Variants in ENTR1 observed in about 807,000 individuals in gnomAD.
ENTR1 encodes the protein endosome associated trafficking regulator 1, also known as endosome-associated-trafficking regulator 1.
ENTR1 carries 47 observed loss-of-function variants against 47.9 expected under a neutral mutation model. The ratio of observed to expected loss-of-function variants is 0.98; its 90% CI spans 0.78 to 1.25. The LOEUF is 1.25. Among genes scored for constraint, ENTR1 ranks in the 50% most tolerant of loss-of-function variants. ENTR1 has a pLI of 0.00. For synonymous variants in ENTR1, 290 were observed against 245.8 expected, an observed-to-expected ratio of 1.18 and a Z score of -1.68; for missense variants, 668 against 570.5, an observed-to-expected ratio of 1.17 and a Z score of -1.74.
At position 136,410,427 on chromosome 9, in the gene ENTR1, C is replaced by G. The variant is rs1384196366; in HGVS notation, c.-30G>C. ...GCCGGCCCGGCGGGGCACGACCTGC[C>G]TAGCCCGGCAGCGGCGGCTCCATGG... On this transcript the variant is annotated 5_prime_UTR_variant, in exon 1 of 10. An upstream open reading frame in the 5' UTR loses its in-frame stop. Transcript: ENST00000357365. The G allele has an allele frequency of 8.1e-7, 1 of 1,229,264 alleles. No individual in the cohort carries two copies. The highest frequency in any genetic ancestry group is 1.0e-6 in the Non-Finnish European group (1 of 984,880). The allele number at this position is 1,229,264 out of a possible 1,614,324, so 76.1% of individuals were successfully genotyped here. A position where few individuals can be genotyped will look rare whatever the true frequency, so the allele number is the denominator to read the frequency against.
chr9:136,405,711 G>A (rs1026325622), intron 6 of ENTR1, among the ~76,000 whole-genome samples, 194 bp downstream of exon 6: 20 of 152,184 alleles, frequency 1.3e-4, no homozygotes, highest in African/African-American at 4.6e-4. Context: ...CACTGCACCC[G>A]AGCCTGGGTG....
Position 136,407,311 on chromosome 9 carries a change from G to A in ENTR1, c.653C>T (p.Pro218Leu), listed in dbSNP as rs1052773037. The A allele has an allele frequency of 6.2e-6, 10 of 1,611,468 alleles. No homozygotes were observed. Among genetic ancestry groups the A allele is most frequent in the South Asian group, 2.2e-5 (2 of 90,886 alleles). Residue 218 changes from proline (P) to leucine (L), a missense_variant, in exon 5 of 10, where the codon CCG becomes CTG. Physicochemically the swap from Pro to Leu is moderately conservative, Grantham distance 98. Coordinates refer to ENST00000357365, the MANE Select transcript of ENTR1 (RefSeq NM_001039707.2). The part of the protein sequence containing the change: ...CSTYLSFFST[P>L]SELAGPESLP... The stretch of plus-strand genomic sequence containing the variant: ...AGACTCAGGCCCTGCCAGCTCCGAC[G>A]GGGTGGAGAAAAAGGAAAGGTATGT...
chr9:136,409,606 C>T (rs778430832), intron 2 of ENTR1, among the ~76,000 whole-genome samples: 5 of 152,136 alleles, frequency 3.3e-5, no homozygotes, highest in Non-Finnish European at 4.4e-5. Context: ...GAAGCCCAGC[C>T]GGGGCAAGCG....
intron 8 of ENTR1, 71 bp downstream of exon 8, chr9:136,404,560 T>G: frequency 6.5e-7 from 1 of 1,529,156 alleles, no homozygotes; most frequent in Non-Finnish European, 9.0e-7. Flanking sequence ...GTCTTTCGCC[T>G]CTTTCTTACT....
At position 136,407,174 on chromosome 9, in the gene ENTR1, G is replaced by T. The variant is rs892648085; in HGVS notation, c.790C>A (p.Leu264Met). ...VHGESLGDRHLRTLQISYDAL... is the reference protein window; with the variant it reads ...VHGESLGDRHMRTLQISYDAL... ...TCGTAACTTATCTGCAGCGTCCGCA[G>T]GTGCCTGTCTCCCAGAGACTCTCCA... Residue 264 changes from leucine (L) to methionine (M), a missense_variant, in exon 5 of 10, where the codon CTG becomes ATG. By Grantham distance (15) the Leu-to-Met change is conservative (BLOSUM62 2). Coordinates refer to ENST00000357365, the MANE Select transcript of ENTR1 (RefSeq NM_001039707.2). 6.2e-7 allele frequency: 1 copy of T among 1,607,238 alleles called. No individual in the cohort carries two copies. The highest frequency in any genetic ancestry group is 1.3e-5 in the African/African-American group (1 of 74,924).
chr9:136,405,809 T>C (rs185350816), intron 6 of ENTR1, 96 bp downstream of exon 6: 2 of 710,678 alleles, frequency 2.8e-6, no homozygotes, highest in Admixed American at 5.6e-5. Flanking sequence ...AAAACCCAGA[T>C]CTGGTTTGAC....
intron 2 of ENTR1, among the ~76,000 whole-genome samples, chr9:136,409,368 A>T (rs577830873): frequency 5.8e-4 from 88 of 152,260 alleles, no homozygotes; most frequent in Non-Finnish European, 1.2e-3. Flanking sequence ...TTTTTTGTAG[A>T]GACGGGTTTT....
At chr9:136,406,338 G>A (rs964286511) in intron 5 of ENTR1, among the ~76,000 whole-genome samples, 2 of 151,686 alleles carry the variant, frequency 1.3e-5, no homozygotes, top group African/African-American at 2.4e-5. Flanking sequence ...CAGTGGTGGC[G>A]GGCACCTGTA....
intron 9 of ENTR1, 107 bp from the exon 10 acceptor site, chr9:136,402,994 T>C: frequency 2.8e-6 from 1 of 359,024 alleles, no homozygotes. Flanking sequence ...AGGGAGGGGT[T>C]CCAAGGGGTA....
At chr9:136,409,578 G>A (rs990474160) in intron 2 of ENTR1, among the ~76,000 whole-genome samples, 1 of 152,142 alleles carries the variant, frequency 6.6e-6, no homozygotes. Context: ...GTCTGAAAGC[G>A]GCTCCTCAGC....
intron 5 of ENTR1, among the ~76,000 whole-genome samples, chr9:136,406,451 AGAGT>A (rs1834767423): frequency 6.6e-6 from 1 of 151,630 alleles, no homozygotes; most frequent in Admixed American, 6.6e-5. Flanking sequence ...CATGAGCAAC[AGAGT>A]GAGACACTGT....
intron 2 of ENTR1, 76 bp downstream of exon 2, chr9:136,410,014 C>T: frequency 1.3e-6 from 2 of 1,553,642 alleles, no homozygotes; most frequent in South Asian, 1.1e-5. Flanking sequence ...AATGGACGAG[C>T]TCGTGCTGCA....
Position 136,402,660 on chromosome 9 carries a change from G to A in ENTR1, c.*128C>T. ...AGAACTGGCTGAGGGCACGACACTG[G>A]ACTCTTGCGATCAACACTTTACTCT... On this transcript the variant is annotated 3_prime_UTR_variant, in exon 10 of 10. Transcript: ENST00000357365. 1.5e-6 allele frequency: 1 copy of A among 658,876 alleles called. No homozygotes were observed. Among genetic ancestry groups the A allele is most frequent in the Non-Finnish European group, 2.7e-6 (1 of 376,858 alleles). The allele number at this position is 658,876 out of a possible 1,614,324, so 40.8% of individuals were successfully genotyped here. A position where few individuals can be genotyped will look rare whatever the true frequency, so the allele number is the denominator to read the frequency against.
intron 2 of ENTR1, among the ~76,000 whole-genome samples, chr9:136,409,334 C>G (rs1005409701): frequency 3.9e-5 from 6 of 152,174 alleles, no homozygotes; most frequent in African/African-American, 1.2e-4. Flanking sequence ...GCACCTGCCA[C>G]CACGCCCGGC....
At position 136,405,181 on chromosome 9, in the gene ENTR1, C is replaced by T. The variant is rs199792798; in HGVS notation, c.915G>A (p.Lys305=). ...CCTCCTTGATCATTTTTGCTTCTAACTTCCGCTCAAGCGTCCTCACCCTTG... is the reference window on the plus strand; with the variant it reads ...CCTCCTTGATCATTTTTGCTTCTAATTTCCGCTCAAGCGTCCTCACCCTTG... The part of the protein sequence containing the change: ...QTEMVRTLER[K]LEAKMIKEES... The change falls in exon 7 of 10, where the codon AAG becomes AAA. Residue 305 remains lysine, a synonymous_variant. Coordinates refer to ENST00000357365, the MANE Select transcript of ENTR1 (RefSeq NM_001039707.2). The T allele has an allele frequency of 2.7e-4, 430 of 1,614,028 alleles. 1 individual carries two copies. The highest frequency in any genetic ancestry group is 6.7e-5 in the Admixed American group (4 of 60,020).
In ENTR1 at chr9:136,410,556, T is replaced by G; in HGVS notation, c.-159A>C. ...GCGCCTCCGAGCCTCTCGCCGCTGCTTCCGCTCCGAGCACCGAAAGCGCGT... is the reference window on the plus strand; with the variant it reads ...GCGCCTCCGAGCCTCTCGCCGCTGCGTCCGCTCCGAGCACCGAAAGCGCGT... On this transcript the variant is annotated 5_prime_UTR_variant, in exon 1 of 10. Transcript: ENST00000357365. 6.1e-6 allele frequency: 7 copies of G among 1,139,624 alleles called. No homozygotes were observed. The highest frequency in any genetic ancestry group is 7.7e-6 in the Non-Finnish European group (7 of 903,952). 70.6% of individuals were successfully genotyped at this position (1,139,624 alleles called of 1,614,324 possible).
At chr9:136,403,710 C>A (rs1442856954) in intron 9 of ENTR1, among the ~76,000 whole-genome samples, 1 of 152,084 alleles carries the variant, frequency 6.6e-6, no homozygotes, top group African/African-American at 2.4e-5. Flanking sequence ...GCAGTAAGGG[C>A]CTTCTGGGAA....
Position 136,407,540 on chromosome 9 carries a change from C to G in ENTR1, c.424G>C (p.Gly142Arg), listed in dbSNP as rs773999579. Residue 142 changes from glycine to arginine, a missense_variant, in exon 5 of 10, where the codon GGA (glycine) becomes CGA (arginine). Gly to Arg is a moderately radical substitution (Grantham distance 125, BLOSUM62 -2). Transcript: ENST00000357365. The stretch of plus-strand genomic sequence containing the variant: ...GAGGGTGGGGAGTTGTGGTCAAGTC[C>G]CAGGGAATGCCTCGAGGCTTCCTAA... Reference protein sequence around the residue: ...YAKEASRHSLGLDHNSPPSQT... With the variant: ...YAKEASRHSLRLDHNSPPSQT... The G allele has an allele frequency of 3.1e-6, 5 of 1,588,616 alleles. No individual in the cohort carries two copies. The highest frequency in any genetic ancestry group is 3.4e-6 in the Non-Finnish European group (4 of 1,170,500).
In ENTR1 at chr9:136,407,224, C is replaced by A. The variant is rs1834808319; in HGVS notation, c.740G>T (p.Ser247Ile). The change falls in exon 5 of 10, where the codon AGT becomes ATT. Residue 247 changes from serine (S) to isoleucine (I), a missense_variant. By Grantham distance (142) the Ser-to-Ile change is moderately radical (BLOSUM62 -2). Transcript: ENST00000357365. ...SRVSPASPAG[S>I]PSADFAVHGE... Reference sequence around the variant, plus strand: ...ATGAACCGCAAAGTCTGCGCTAGGACTCCCTGCCGGAGAGGCCGGAGACAC... The same window carrying A: ...ATGAACCGCAAAGTCTGCGCTAGGAATCCCTGCCGGAGAGGCCGGAGACAC... The A allele has an allele frequency of 6.2e-7, 1 of 1,613,272 alleles. No homozygotes were observed. Among genetic ancestry groups the A allele is most frequent in the South Asian group, 1.1e-5 (1 of 91,082 alleles).
Sources: gnomAD v4.1 joint callset for allele counts (sites outside exome capture counted in the v4.1 genomes callset) on GRCh38, gnomAD v4.1.1 for gene constraint, MANE v1.5 for transcripts, NCBI Gene and HGNC (gene_info 2026-07-23, HGNC 2026-07-21) for gene names.